CACNA1D: variants seen among roughly 807,000 people sequenced by gnomAD.
CACNA1D encodes voltage-dependent L-type calcium channel subunit alpha-1D.
Under a neutral mutation model 257.1 loss-of-function variants are expected in CACNA1D, and 55 were observed. The ratio of observed to expected loss-of-function variants is 0.21; its 90% CI spans 0.17 to 0.27. The LOEUF is 0.27. Among genes scored for constraint, CACNA1D ranks in the 10% least tolerant of loss-of-function variants. The pLI is 1.00. For synonymous variants in CACNA1D, 980 were observed against 1,014.9 expected, an observed-to-expected ratio of 0.97 and a Z score of 0.65; for missense variants, 1,876 against 2,784.0, an observed-to-expected ratio of 0.67 and a Z score of 7.34.
At chr3:53,750,277 G>C (rs574440294) in intron 27 of CACNA1D, among the ~76,000 whole-genome samples, 1 of 152,162 alleles carries the variant, frequency 6.6e-6, no homozygotes, top group African/African-American at 2.4e-5. Flanking sequence ...CCCTGCTGGG[G>C]CTTGATCCCT....
At chr3:53,523,410 A>G (rs1213229577) in intron 3 of CACNA1D, among the ~76,000 whole-genome samples, 1 of 152,226 alleles carries the variant, frequency 6.6e-6, no homozygotes, top group Non-Finnish European at 1.5e-5. Context: ...TGTAGTTTGG[A>G]CCAAGCTAGG....
At chr3:53,731,184 A>G in intron 17 of CACNA1D, 38 bp downstream of exon 17, 1 of 1,317,488 alleles carries the variant, frequency 7.6e-7, no homozygotes, top group South Asian at 1.2e-5. Context: ...TTTTGTTTCA[A>G]AATGATCCTG....
chr3:53,719,772 C>T lies in CACNA1D; in HGVS notation c.1496C>T (p.Ser499Phe), dbSNP rs144884666. 29 of 1,613,970 alleles carry T rather than the reference C, an allele frequency of 1.8e-5. No homozygotes were observed. Among genetic ancestry groups the T allele is most frequent in the African/African-American group, 4.0e-5 (3 of 75,036 alleles). The change falls in exon 11 of 48, where the codon TCC (serine) becomes TTC (phenylalanine). Residue 499 changes from serine to phenylalanine, a missense_variant. This residue lies in a region of CACNA1D where 257 missense variants were observed against 399.7 expected (regional missense o/e 0.64). Coordinates refer to ENST00000350061, the MANE Select transcript of CACNA1D (RefSeq NM_001128840.3). ...TCTTTCAGTCAAGCCATCTCAAAAT[C>T]CAAACTCAGGTCAGTATCTTCTTTC... ...CGSLCQAISK[S>F]KLSRRWRRWN... is the part of the protein sequence containing the mutation.
At chr3:53,738,732 T>G (rs2095084145) in intron 20 of CACNA1D, among the ~76,000 whole-genome samples, 1 of 152,120 alleles carries the variant, frequency 6.6e-6, no homozygotes, top group Admixed American at 6.6e-5. Context: ...GTTTTGTATG[T>G]TTTTTAACCT....
intron 3 of CACNA1D, among the ~76,000 whole-genome samples, chr3:53,559,008 A>G (rs2092692977): frequency 6.6e-6 from 1 of 151,458 alleles, no homozygotes; most frequent in African/African-American, 2.4e-5. Context: ...GTATTTTAGT[A>G]TTTTCTTTTT....
At chr3:53,580,746 A>G (rs917956452) in intron 3 of CACNA1D, among the ~76,000 whole-genome samples, 1 of 152,266 alleles carries the variant, frequency 6.6e-6, no homozygotes, top group Non-Finnish European at 1.5e-5. Context: ...ATGAATAAAC[A>G]AATGGGATAC....
chr3:53,745,555 C>G, intron 23 of CACNA1D, 69 bp from the exon 24 acceptor site: 1 of 969,756 alleles, frequency 1.0e-6, no homozygotes, highest in South Asian at 1.3e-5. Context: ...CAGAAACTGT[C>G]GGCTGATGTT....
At chr3:53,559,675 C>T (rs889602707) in intron 3 of CACNA1D, among the ~76,000 whole-genome samples, 7 of 152,180 alleles carry the variant, frequency 4.6e-5, no homozygotes, top group African/African-American at 7.2e-5. Flanking sequence ...GGATCCACAA[C>T]GAAGAGCTTA....
intron 3 of CACNA1D, among the ~76,000 whole-genome samples, chr3:53,565,234 A>C (rs759599466): frequency 1.3e-5 from 2 of 152,172 alleles, no homozygotes; most frequent in Admixed American, 6.5e-5. Flanking sequence ...TGATATCAGT[A>C]AGTCAAGTCC....
rs780143953 is a variant in CACNA1D, at chr3:53,774,615, A to C, written c.4139A>C (p.Asn1380Thr). The change falls in exon 34 of 48, where the codon AAC becomes ACC. Residue 1380 changes from asparagine (N) to threonine (T), a missense_variant. Coordinates refer to ENST00000350061, the MANE Select transcript of CACNA1D (RefSeq NM_001128840.3). The surrounding 1 kb of genome is among the most constrained non-coding windows in gnomAD (Gnocchi z 4.3). ...QMFGKVAMRD[N>T]NQINRNNNFQ... ...TTTGGGAAAGTTGCCATGAGAGATA[A>C]CAACCAGATCAATAGGAACAATAAC... 2 of 1,611,534 alleles carry C rather than the reference A, an allele frequency of 1.2e-6. No homozygotes were observed. Among genetic ancestry groups the C allele is most frequent in the Non-Finnish European group, 8.5e-7 (1 of 1,177,610 alleles).
At chr3:53,601,612 A>G (rs1428308047) in intron 3 of CACNA1D, among the ~76,000 whole-genome samples, 1 of 152,254 alleles carries the variant, frequency 6.6e-6, no homozygotes, top group African/African-American at 2.4e-5. Context: ...TTCTGACCCC[A>G]TGTAGAAAAC....
chr3:53,768,138 C>T (rs560338071), intron 30 of CACNA1D, among the ~76,000 whole-genome samples: 3 of 152,270 alleles, frequency 2.0e-5, no homozygotes, highest in Non-Finnish European at 4.4e-5. Context: ...GGAAGGGGGC[C>T]GTGGATGGCG....
chr3:53,642,548 A>G (rs2093970190), intron 3 of CACNA1D, among the ~76,000 whole-genome samples: 1 of 152,198 alleles, frequency 6.6e-6, no homozygotes, highest in African/African-American at 2.4e-5. Context: ...ATCCAGGCTA[A>G]CTGTTGTAGT....
intron 3 of CACNA1D, among the ~76,000 whole-genome samples, chr3:53,642,269 A>T (rs1222207529): frequency 6.6e-6 from 1 of 152,008 alleles, no homozygotes; most frequent in Admixed American, 6.5e-5. Context: ...CCCCCTGGCA[A>T]CTCTAGGCTT....
chr3:53,687,728 G>A (rs896367666), intron 8 of CACNA1D, among the ~76,000 whole-genome samples: 1 of 152,242 alleles, frequency 6.6e-6, no homozygotes, highest in East Asian at 1.9e-4. Context: ...TTACATCTGT[G>A]TATCTAGAAT....
intron 39 of CACNA1D, among the ~76,000 whole-genome samples, chr3:53,784,542 G>T (rs2109093139): frequency 6.6e-6 from 1 of 152,330 alleles, no homozygotes; most frequent in South Asian, 2.1e-4. Flanking sequence ...AGAGCTCTGG[G>T]TGGGTCTGCC....
At chr3:53,725,495 G>A (rs943712074) in intron 14 of CACNA1D, among the ~76,000 whole-genome samples, 5 of 152,108 alleles carry the variant, frequency 3.3e-5, no homozygotes, top group African/African-American at 1.2e-4. Flanking sequence ...CTGCTTTAGA[G>A]GGTGTGTCCA....
intron 9 of CACNA1D, among the ~76,000 whole-genome samples, chr3:53,716,505 G>GCC: frequency 6.6e-6 from 1 of 152,008 alleles, no homozygotes; most frequent in Non-Finnish European, 1.5e-5. Flanking sequence ...CTTCTTGTGT[G>GCC]TCTGTGTGTG....
intron 3 of CACNA1D, among the ~76,000 whole-genome samples, chr3:53,565,200 T>C (rs917866433): frequency 1.3e-5 from 2 of 152,212 alleles, no homozygotes; most frequent in African/African-American, 2.4e-5. Flanking sequence ...ACTGTATTAA[T>C]TAGTATGCCT....
Sources: gnomAD v4.1 joint callset for allele counts (sites outside exome capture counted in the v4.1 genomes callset) on GRCh38, gnomAD v4.1.1 for gene constraint, gnomAD v4.1.1 regional missense constraint, Gnocchi (gnomAD v3.1) non-coding constraint, MANE v1.5 for transcripts, NCBI Gene and HGNC (gene_info 2026-07-23, HGNC 2026-07-21) for gene names.